Variants in TUSC3 observed in about 807,000 individuals in gnomAD.
The protein encoded by TUSC3 is tumor suppressor candidate 3.
TUSC3 carries 45 observed loss-of-function variants against 44.8 expected under a neutral mutation model. The ratio of observed to expected loss-of-function variants is 1.00; its 90% CI spans 0.79 to 1.29. TUSC3 has a LOEUF of 1.29. Among genes scored for constraint, TUSC3 ranks in the 50% most tolerant of loss-of-function variants. The pLI is 0.00. For synonymous variants in TUSC3, 212 were observed against 152.9 expected (o/e 1.39, Z -2.85); for missense variants, 519 against 437.9 (o/e 1.19, Z -1.65).
chr8:15,438,387 C>A (rs1273718719), intron 1 of TUSC3, among the ~76,000 whole-genome samples: 1 of 152,206 alleles, frequency 6.6e-6, no homozygotes, highest in Non-Finnish European at 1.5e-5. Context: ...TGAGCCACCG[C>A]GCCCAGCCAG....
At chr8:15,620,741 G>A (rs1005284487) in intron 1 of TUSC3, among the ~76,000 whole-genome samples, 7 of 152,052 alleles carry the variant, frequency 4.6e-5, no homozygotes, top group African/African-American at 9.7e-5. Flanking sequence ...AATGAGTTTC[G>A]TATTACCTTG....
intron 1 of TUSC3, among the ~76,000 whole-genome samples, chr8:15,436,120 C>T (rs1046239859): frequency 2.0e-5 from 3 of 152,164 alleles, no homozygotes; most frequent in African/African-American, 7.2e-5. Context: ...CTCAGTTCTT[C>T]TCATAGGGTT....
chr8:15,493,614 AC>A (rs1427622325), intron 2 of TUSC3, among the ~76,000 whole-genome samples: 1 of 152,192 alleles, frequency 6.6e-6, no homozygotes, highest in African/African-American at 2.4e-5. Context: ...AACATTTGGT[AC>A]TGGAACTATA....
intron 1 of TUSC3, among the ~76,000 whole-genome samples, chr8:15,447,183 C>T (rs1469498267): frequency 6.6e-6 from 1 of 152,070 alleles, no homozygotes. Flanking sequence ...AATAGTTATT[C>T]AGGAAAACCA....
At chr8:15,537,961 C>A (rs574257764), upstream of TUSC3, among the ~76,000 whole-genome samples, 5 of 152,194 alleles carry the variant, frequency 3.3e-5, no homozygotes, top group South Asian at 4.1e-4. Context: ...AGTGTTAAAG[C>A]AAAAATACGC....
chr8:15,774,597 T>A, the TUSC3 span, among the ~76,000 whole-genome samples: 1 of 152,204 alleles, frequency 6.6e-6, no homozygotes. Flanking sequence ...AGATCGTAAA[T>A]TTCTGTTCTT....
chr8:15,669,446 A>G (rs1251865015), intron 5 of TUSC3, among the ~76,000 whole-genome samples: 2 of 151,726 alleles, frequency 1.3e-5, no homozygotes, highest in African/African-American at 2.4e-5. Flanking sequence ...AAAATAGAAA[A>G]CTGATAGGCC....
the TUSC3 span, among the ~76,000 whole-genome samples, chr8:15,801,574 A>G: frequency 2.0e-5 from 3 of 152,150 alleles, no homozygotes; most frequent in African/African-American, 7.2e-5. Context: ...CGTAAATGTG[A>G]TGGCTCAGTG....
chr8:15,463,361 C>T (rs959585669), intron 1 of TUSC3, among the ~76,000 whole-genome samples: 21 of 152,188 alleles, frequency 1.4e-4, no homozygotes, highest in African/African-American at 5.1e-4. Context: ...GGAATTTTTT[C>T]TAGTGGCATA....
At chr8:15,562,114 A>G (rs1239827547) in intron 1 of TUSC3, among the ~76,000 whole-genome samples, 2 of 152,168 alleles carry the variant, frequency 1.3e-5, no homozygotes, top group East Asian at 1.9e-4. Context: ...GCAGGAGTCT[A>G]GCTTCAGAGA....
chr8:15,427,229 C>CTTTTTTTTTTTTTTTTTTT (rs765417646), intron 1 of TUSC3, among the ~76,000 whole-genome samples: 1 of 144,722 alleles, frequency 6.9e-6, no homozygotes, highest in Non-Finnish European at 1.5e-5. Flanking sequence ...AAGGTTTTTC[C>CTTTTTTTTTTTTTTTTTTT]TTTTTTTTTT....
intron 1 of TUSC3, among the ~76,000 whole-genome samples, chr8:15,614,196 G>T (rs565760328): frequency 4.9e-4 from 75 of 152,026 alleles, no homozygotes; most frequent in Non-Finnish European, 8.1e-4. Flanking sequence ...TTTAATTAAG[G>T]TTTCTGTTTT....
rs1014516185 is a variant in TUSC3 at position 15,743,582 on chromosome 8, A to G, written c.907A>G (p.Thr303Ala). The G allele has an allele frequency of 1.2e-6, 2 of 1,613,872 alleles. No homozygotes were observed. The highest frequency in any genetic ancestry group is 1.1e-5 in the South Asian group (1 of 91,086). ...GATGGTTCTTCTAAATGAAGCAGCA[A>G]CTTCGAAAGGCGATGTTGGAAAAAG... The part of the protein sequence containing the change: ...MGMVLLNEAA[T>A]SKGDVGKRRI... Residue 303 changes from threonine to alanine, a missense_variant, in exon 8 of 11, where the codon ACT (threonine) becomes GCT (alanine). Physicochemically the swap from Thr to Ala is moderately conservative, Grantham distance 58. Coordinates refer to ENST00000503731, the MANE Select transcript of TUSC3 (RefSeq NM_006765.4).
chr8:15,428,141 G>A lies in TUSC3; in HGVS notation n.91+10836G>A, dbSNP rs113854223. Among the ~76,000 whole-genome samples, 702 of 106,776 alleles carry A rather than the reference G, an allele frequency of 6.6e-3. 12 individuals carry two copies. Among genetic ancestry groups the A allele is most frequent in the African/African-American group, 0.025 (657 of 26,616 alleles). 70.0% of individuals were successfully genotyped at this position (106,776 alleles called of 152,430 possible). ...CCCCTCCCCCCACCCCACAACAGTC[G>A]CCAGTGTGTGATCGTCCCCTTCCTG... On this transcript the variant is annotated intron_variant and non_coding_transcript_variant, in intron 1 of 5. Coordinates refer to the TUSC3 transcript ENST00000503191.
intron 3 of TUSC3, among the ~76,000 whole-genome samples, chr8:15,659,217 G>T: frequency 6.6e-6 from 1 of 151,712 alleles, no homozygotes; most frequent in East Asian, 1.9e-4. Context: ...CCTAATTATA[G>T]AATTCAAGAA....
At chr8:15,813,146 C>T in the TUSC3 span, among the ~76,000 whole-genome samples, 5 of 152,010 alleles carry the variant, frequency 3.3e-5, no homozygotes, top group Admixed American at 2.6e-4. Context: ...TGATCCAGGA[C>T]ACAATGCTTT....
intron 1 of TUSC3, among the ~76,000 whole-genome samples, chr8:15,618,380 C>T (rs1308731448): frequency 6.6e-6 from 1 of 152,038 alleles, no homozygotes; most frequent in Non-Finnish European, 1.5e-5. Flanking sequence ...AAAATATTTT[C>T]TTTATATCCT....
chr8:15,471,918 C>T lies in TUSC3; in HGVS notation n.92-11468C>T, dbSNP rs549504736. On this transcript the variant is annotated intron_variant and non_coding_transcript_variant, in intron 1 of 5. Transcript: ENST00000503191. The stretch of plus-strand genomic sequence containing the variant: ...CAGGCATGAGCTGCCACACCTGGCC[C>T]CCAGTTCTAATGATTTAACATCATA... Among the ~76,000 whole-genome samples the T allele has an allele frequency of 3.3e-5, 5 of 152,116 alleles. No homozygotes were observed. In the South Asian group the frequency reaches 8.3e-4, roughly 25 times the overall value.
intron 3 of TUSC3, among the ~76,000 whole-genome samples, chr8:15,654,269 A>G (rs1319613004): frequency 5.3e-5 from 8 of 152,266 alleles, no homozygotes; most frequent in African/African-American, 1.9e-4. Context: ...TATATCCATG[A>G]GAGAAACAAA....
Sources: allele counts gnomAD v4.1 joint callset (sites outside exome capture counted in the v4.1 genomes callset), GRCh38; gene constraint gnomAD v4.1.1; transcripts MANE v1.5; gene names NCBI Gene and HGNC (gene_info 2026-07-23, HGNC 2026-07-21).